NRXN3: variants seen among roughly 807,000 people sequenced by gnomAD.
The protein encoded by NRXN3 is neurexin 3, also known as neurexin III.
NRXN3 carries 32 observed loss-of-function variants against 137.6 expected under a neutral mutation model. That is an observed-to-expected ratio of 0.23 (90% CI 0.18 to 0.31). The LOEUF (loss-of-function observed/expected upper bound fraction) is 0.31, where lower values mean the gene tolerates loss of function less well. Among genes scored for constraint, NRXN3 ranks in the 10% least tolerant of loss-of-function variants. The pLI, the probability that NRXN3 is intolerant of heterozygous loss-of-function variation, is 1.00. For missense variants in NRXN3, 1,574 were observed against 2,062.5 expected (o/e 0.76, Z 4.59); for synonymous variants, 798 against 784.5 (o/e 1.02, Z -0.29).
At chr14:78,247,135 C>A (rs76539791) in intron 2 of NRXN3, among the ~76,000 whole-genome samples, 1,787 of 152,292 alleles carry the variant, frequency 0.012, 12 homozygotes, top group Non-Finnish European at 0.019. Flanking sequence ...ATCTCCAGCC[C>A]CCCTGCGGTG....
chr14:79,069,985 T>C lies in NRXN3; in HGVS notation c.3262+81844T>C, dbSNP rs538847188. ...AAGCAGGATATGACAGTCAACATTT[T>C]TCCTTTTTACCTTTCCTTCCATCTC... On this transcript the variant is annotated intron_variant, in intron 15 of 20. Transcript: ENST00000335750. 2.6e-5 allele frequency among the ~76,000 whole-genome samples: 4 copies of C among 152,312 alleles called. No homozygotes were observed. The East Asian group carries it at 7.7e-4, about 29-fold the overall frequency.
chr14:79,290,110 C>T (rs999696207), intron 15 of NRXN3, among the ~76,000 whole-genome samples: 7 of 152,006 alleles, frequency 4.6e-5, no homozygotes, highest in Admixed American at 1.3e-4. Context: ...CCGAGGCAGT[C>T]GTTCAGAATT....
chr14:78,463,164 G>A (rs1350583017), intron 4 of NRXN3, among the ~76,000 whole-genome samples: 1 of 152,108 alleles, frequency 6.6e-6, no homozygotes, highest in Non-Finnish European at 1.5e-5. Flanking sequence ...CTATATTGCT[G>A]TAAAAGACAT....
intron 16 of NRXN3, among the ~76,000 whole-genome samples, chr14:79,544,065 A>C (rs1167319895): frequency 6.6e-6 from 1 of 152,212 alleles, no homozygotes; most frequent in African/African-American, 2.4e-5. Context: ...CAGTGAAAAT[A>C]AATACAAAAT....
At chr14:78,611,465 A>G (rs1204220233) in intron 4 of NRXN3, among the ~76,000 whole-genome samples, 4 of 149,756 alleles carry the variant, frequency 2.7e-5, no homozygotes, top group African/African-American at 9.9e-5. Context: ...TTATGGATAT[A>G]CCAGAAAGCA....
chr14:79,768,242 C>A (rs1001576363), intron 19 of NRXN3, among the ~76,000 whole-genome samples: 3 of 152,210 alleles, frequency 2.0e-5, no homozygotes, highest in African/African-American at 7.2e-5. Context: ...ACAAAGCAGC[C>A]AGGAAGCTCC....
intron 4 of NRXN3, among the ~76,000 whole-genome samples, chr14:78,498,771 G>C (rs1269034411): frequency 6.6e-6 from 1 of 151,238 alleles, no homozygotes; most frequent in Non-Finnish European, 1.5e-5. Context: ...TAGAATGCCT[G>C]GGTTCATAGC....
chr14:79,822,953 TA>T (rs1257319274), intron 20 of NRXN3, among the ~76,000 whole-genome samples: 6 of 152,316 alleles, frequency 3.9e-5, no homozygotes, highest in African/African-American at 1.4e-4. Flanking sequence ...TTCATGCCTA[TA>T]AAAAAGTCTC....
At chr14:78,875,812 T>C (rs1326778975) in intron 10 of NRXN3, among the ~76,000 whole-genome samples, 1 of 152,214 alleles carries the variant, frequency 6.6e-6, no homozygotes, top group Non-Finnish European at 1.5e-5. Flanking sequence ...AGTAAATATT[T>C]GCAGAAAGAA....
intron 15 of NRXN3, among the ~76,000 whole-genome samples, chr14:79,110,790 A>ATTTT (rs762815479): frequency 6.7e-6 from 1 of 149,476 alleles, no homozygotes; most frequent in African/African-American, 2.4e-5. Flanking sequence ...TTATTTATTT[A>ATTTT]TTTATTTTTT....
chr14:78,846,447 G>C (rs8009822), intron 10 of NRXN3, among the ~76,000 whole-genome samples: 8,102 of 152,140 alleles, frequency 0.053, 377 homozygotes, highest in East Asian at 0.25. Context: ...TACAATCTCT[G>C]CTGCTGTTAT....
chr14:79,693,669 A>G (rs1199465747), intron 18 of NRXN3, among the ~76,000 whole-genome samples: 1 of 151,788 alleles, frequency 6.6e-6, no homozygotes, highest in Non-Finnish European at 1.5e-5. Context: ...CATTTGTATA[A>G]ACCATTATAA....
At chr14:79,343,245 G>T (rs1253172439) in intron 15 of NRXN3, among the ~76,000 whole-genome samples, 2 of 152,162 alleles carry the variant, frequency 1.3e-5, no homozygotes, top group African/African-American at 4.8e-5. Context: ...CTACAGAGGC[G>T]ATCTAGTCTC....
At chr14:79,532,276 A>C (rs942989796) in intron 16 of NRXN3, among the ~76,000 whole-genome samples, 2 of 152,242 alleles carry the variant, frequency 1.3e-5, no homozygotes, top group Non-Finnish European at 2.9e-5. Context: ...GACTATTGCA[A>C]CATGTTAAGC....
At chr14:79,636,463 A>G (rs572867401) in intron 16 of NRXN3, among the ~76,000 whole-genome samples, 1 of 152,210 alleles carries the variant, frequency 6.6e-6, no homozygotes, top group African/African-American at 2.4e-5. Context: ...GTTCCCCATA[A>G]ACTGTGATAA....
chr14:78,926,705 AT>A (rs1358730833), intron 10 of NRXN3, among the ~76,000 whole-genome samples: 5 of 90,292 alleles, frequency 5.5e-5, no homozygotes, highest in South Asian at 2.7e-4. Flanking sequence ...TAAAATATAT[AT>A]TATATATTAT....
Position 79,105,230 on chromosome 14 carries a change from G to A in NRXN3, c.3262+117089G>A, listed in dbSNP as rs184869925. ...AATCCACAGACAGATCAATAGTATCGTTTTCATTTATGAATACTATTTTAA... is the reference window on the plus strand; with the variant it reads ...AATCCACAGACAGATCAATAGTATCATTTTCATTTATGAATACTATTTTAA... On this transcript the variant is annotated intron_variant, in intron 15 of 20. Transcript: ENST00000335750. Among the ~76,000 whole-genome samples, 44 of 152,058 alleles carry A rather than the reference G, an allele frequency of 2.9e-4. 1 individual carries two copies. The highest frequency in any genetic ancestry group is 1.5e-3 in the Admixed American group (23 of 15,254).
chr14:79,564,203 A>G (rs932697997), intron 16 of NRXN3, among the ~76,000 whole-genome samples: 3 of 151,662 alleles, frequency 2.0e-5, no homozygotes, highest in African/African-American at 7.3e-5. Context: ...GGTTCTAAGT[A>G]TTTTTCTTTG....
chr14:78,264,936 G>A (rs959959691), intron 2 of NRXN3, among the ~76,000 whole-genome samples: 3 of 152,142 alleles, frequency 2.0e-5, no homozygotes, highest in East Asian at 3.8e-4. Flanking sequence ...AGACCCCACT[G>A]TGTGATAGTT....
Sources: allele counts gnomAD v4.1 joint callset (sites outside exome capture counted in the v4.1 genomes callset), GRCh38; gene constraint gnomAD v4.1.1; transcripts MANE v1.5; gene names NCBI Gene and HGNC (gene_info 2026-07-23, HGNC 2026-07-21).